FAAH2: variants seen among roughly 807,000 people sequenced by gnomAD.
The protein encoded by FAAH2 is fatty acid amide hydrolase 2, also known as fatty-acid amide hydrolase 2.
Under a neutral mutation model 36.9 loss-of-function variants are expected in FAAH2, and 60 were observed. The ratio of observed to expected loss-of-function variants is 1.63; its 90% CI spans 1.32 to 2.02. The LOEUF is 2.02. Among genes scored for constraint, FAAH2 ranks in the 30% most tolerant of loss-of-function variants. FAAH2 has a pLI of 0.00. For synonymous variants in FAAH2, 214 were observed against 143.8 expected (o/e 1.49, Z -3.49); for missense variants, 689 against 397.5 (o/e 1.73, Z -6.23).
intron 7 of FAAH2, among the ~76,000 whole-genome samples, chrX:57,396,625 A>G (rs1283543336): frequency 1.8e-5 from 2 of 111,162 alleles, no homozygotes; most frequent in East Asian, 5.6e-4. Context: ...TTTAGTTCCC[A>G]TGTATTTGTG....
At chrX:57,139,020 T>A in the FAAH2 span, among the ~76,000 whole-genome samples, 1 of 112,165 alleles carries the variant, frequency 8.9e-6, no homozygotes, top group Non-Finnish European at 1.9e-5. Flanking sequence ...TGTCTCTTCA[T>A]TTTATGATTG....
intron 5 of FAAH2, among the ~76,000 whole-genome samples, chrX:57,351,037 A>G (rs1039947532): frequency 3.6e-4 from 40 of 111,663 alleles, no homozygotes; most frequent in Admixed American, 9.5e-5. Flanking sequence ...AAGAATATAC[A>G]TTCTTTTCAT....
intron 5 of FAAH2, among the ~76,000 whole-genome samples, chrX:57,363,741 G>A (rs2054341204): frequency 9.0e-6 from 1 of 110,529 alleles, no homozygotes; most frequent in Non-Finnish European, 1.9e-5. Context: ...TATGTTCTAT[G>A]GTGCCTAATT....
At chrX:57,350,509 T>A (rs771174484) in intron 5 of FAAH2, among the ~76,000 whole-genome samples, 1 of 110,834 alleles carries the variant, frequency 9.0e-6, no homozygotes, top group South Asian at 3.7e-4. Context: ...AAACCTCAAT[T>A]GTCAATAATA....
chrX:57,387,575 A>G (rs2055057275), intron 7 of FAAH2, among the ~76,000 whole-genome samples: 1 of 111,538 alleles, frequency 9.0e-6, no homozygotes, highest in Admixed American at 9.5e-5. Context: ...GAACTTTACT[A>G]AGAGTCCTAA....
chrX:57,448,330 A>G (rs1341376902), intron 9 of FAAH2, among the ~76,000 whole-genome samples, 194 bp from the exon 10 acceptor site: 1 of 112,724 alleles, frequency 8.9e-6, no homozygotes, highest in Non-Finnish European at 1.9e-5. Flanking sequence ...AGCAGAGGCT[A>G]GAAATGTTAT....
At chrX:57,475,169 CTT>C (rs2057243590) in intron 10 of FAAH2, among the ~76,000 whole-genome samples, 1 of 111,572 alleles carries the variant, frequency 9.0e-6, no homozygotes. Flanking sequence ...ATGCTAATTT[CTT>C]TTGCTGAGAA....
chrX:57,471,066 C>T (rs955657491), intron 10 of FAAH2, among the ~76,000 whole-genome samples: 1 of 111,729 alleles, frequency 9.0e-6, no homozygotes, highest in Non-Finnish European at 1.9e-5. Flanking sequence ...TAAAAACTCT[C>T]AATAAATCAG....
the FAAH2 span, among the ~76,000 whole-genome samples, chrX:57,161,555 G>T: frequency 8.9e-6 from 1 of 111,741 alleles, no homozygotes; most frequent in Non-Finnish European, 1.9e-5. Flanking sequence ...TGTATTGGGT[G>T]CATATGTATT....
chrX:57,252,154 G>A, the FAAH2 span, among the ~76,000 whole-genome samples: 2 of 112,638 alleles, frequency 1.8e-5, no homozygotes, highest in Non-Finnish European at 3.8e-5. Context: ...GGATGCTGAA[G>A]TTTGGCAGGG....
At chrX:57,281,468 G>A in the FAAH2 span, among the ~76,000 whole-genome samples, 5 of 111,873 alleles carry the variant, frequency 4.5e-5, no homozygotes, top group African/African-American at 1.3e-4. Context: ...TTGGGAATGG[G>A]TAACAAGAAA....
At chrX:57,351,615 A>G (rs1248431877) in intron 5 of FAAH2, among the ~76,000 whole-genome samples, 1 of 110,424 alleles carries the variant, frequency 9.1e-6, no homozygotes, top group Non-Finnish European at 1.9e-5. Flanking sequence ...GAAGACCCAA[A>G]TAAACACTGA....
intron 10 of FAAH2, among the ~76,000 whole-genome samples, chrX:57,469,008 A>G (rs2057105782): frequency 9.0e-6 from 1 of 111,463 alleles, no homozygotes; most frequent in African/African-American, 3.3e-5. Context: ...AAGCTTCATA[A>G]GTGAAGGAGA....
intron 4 of FAAH2, among the ~76,000 whole-genome samples, chrX:57,336,151 G>A (rs762664981): frequency 1.3e-4 from 14 of 111,179 alleles, no homozygotes; most frequent in Non-Finnish European, 2.1e-4. Flanking sequence ...CAAAAGAAGG[G>A]AAAATAGCCT....
intron 7 of FAAH2, among the ~76,000 whole-genome samples, chrX:57,425,550 G>A (rs2056140751): frequency 9.0e-6 from 1 of 111,453 alleles, no homozygotes; most frequent in Non-Finnish European, 1.9e-5. Flanking sequence ...TGAAGAAATT[G>A]AAGTTCTATT....
intron 2 of FAAH2, 64 bp from the exon 3 acceptor site, chrX:57,310,526 ATTC>A (rs2146895118): frequency 1.8e-6 from 2 of 1,099,959 alleles, no homozygotes; most frequent in East Asian, 6.3e-5. Flanking sequence ...TGATATGGGT[ATTC>A]TTTTAATAAA....
At chrX:57,377,853 C>T (rs762296137) in intron 5 of FAAH2, among the ~76,000 whole-genome samples, 43 of 111,712 alleles carry the variant, frequency 3.8e-4, no homozygotes, top group Non-Finnish European at 7.0e-4. Context: ...TTGAAGAGGT[C>T]CTTCACATCC....
At chrX:57,403,334 A>G (rs2055485841) in intron 7 of FAAH2, among the ~76,000 whole-genome samples, 1 of 112,370 alleles carries the variant, frequency 8.9e-6, no homozygotes, top group Admixed American at 9.3e-5. Flanking sequence ...TGGATTAGTT[A>G]CGCTCACTGA....
chrX:57,438,294 C>A (rs1347340845), intron 8 of FAAH2, among the ~76,000 whole-genome samples: 1 of 106,050 alleles, frequency 9.4e-6, no homozygotes, highest in East Asian at 2.9e-4. Context: ...AGTAAAACTA[C>A]AGACTACTGA....
Sources: allele counts gnomAD v4.1 joint callset (sites outside exome capture counted in the v4.1 genomes callset), GRCh38; gene constraint gnomAD v4.1.1; transcripts MANE v1.5; gene names NCBI Gene and HGNC (gene_info 2026-07-23, HGNC 2026-07-21).